Variants in QTMAN observed in about 807,000 individuals in gnomAD.
The protein encoded by QTMAN is queuosine-tRNA mannosyltransferase.
At chr2:144,194,028 C>G in the QTMAN span, among the ~76,000 whole-genome samples, 1 of 152,144 alleles carries the variant, frequency 6.6e-6, no homozygotes, top group African/African-American at 2.4e-5. Context: ...TCTTTAAGCA[C>G]TACGTTTTTT....
chr2:144,303,009 G>A, the QTMAN span, among the ~76,000 whole-genome samples: 26 of 152,180 alleles, frequency 1.7e-4, no homozygotes, highest in African/African-American at 6.0e-4. Context: ...GGCTGAGGAA[G>A]GAGAATTGCT....
the QTMAN span, among the ~76,000 whole-genome samples, chr2:143,993,419 G>T: frequency 6.6e-6 from 1 of 151,996 alleles, no homozygotes; most frequent in Non-Finnish European, 1.5e-5. Flanking sequence ...AAAAAAAGGG[G>T]GGGGGACTTT....
the QTMAN span, among the ~76,000 whole-genome samples, chr2:144,133,329 A>T: frequency 2.1e-5 from 1 of 48,562 alleles, no homozygotes; most frequent in South Asian, 4.4e-4. Context: ...GTATATATAC[A>T]TATATAAATA....
the QTMAN span, chr2:144,142,090 C>T: frequency 8.7e-6 from 13 of 1,500,186 alleles, no homozygotes; most frequent in Non-Finnish European, 1.8e-6. Flanking sequence ...AATGATGAGC[C>T]CAGACTCATT....
chr2:144,167,277 T>A, the QTMAN span, among the ~76,000 whole-genome samples: 2 of 152,180 alleles, frequency 1.3e-5, no homozygotes, highest in African/African-American at 4.8e-5. Context: ...TTATGAAAAC[T>A]CAATCATCCT....
At chr2:144,287,418 G>C in the QTMAN span, among the ~76,000 whole-genome samples, 4 of 144,628 alleles carry the variant, frequency 2.8e-5, no homozygotes, top group Admixed American at 2.1e-4. Flanking sequence ...CAGCCTGGGC[G>C]ACAGAGCAAG....
the QTMAN span, among the ~76,000 whole-genome samples, chr2:144,266,833 T>C: frequency 6.6e-6 from 1 of 152,208 alleles, no homozygotes; most frequent in Non-Finnish European, 1.5e-5. Context: ...ATTTGTTGTA[T>C]GGGTTATTTT....
At chr2:144,262,930 G>C in the QTMAN span, among the ~76,000 whole-genome samples, 1 of 90,808 alleles carries the variant, frequency 1.1e-5, no homozygotes, top group African/African-American at 4.4e-5. Flanking sequence ...GGAGAGGGGA[G>C]AGGGAAGAGG....
the QTMAN span, among the ~76,000 whole-genome samples, chr2:144,035,903 T>A: frequency 6.6e-6 from 1 of 152,150 alleles, no homozygotes; most frequent in African/African-American, 2.4e-5. Flanking sequence ...TGCAAAGAAA[T>A]GGGCATTTGA....
At chr2:143,947,261 C>T in the QTMAN span, 2 of 678,980 alleles carry the variant, frequency 2.9e-6, no homozygotes, top group South Asian at 1.8e-5. Flanking sequence ...CAAAAAGCCA[C>T]CAAGTAAATG....
the QTMAN span, among the ~76,000 whole-genome samples, chr2:144,086,838 T>C: frequency 6.6e-6 from 1 of 152,162 alleles, no homozygotes; most frequent in Non-Finnish European, 1.5e-5. Context: ...GGTTCCTCAT[T>C]TGTTCCTTTT....
chr2:144,208,500 T>C, the QTMAN span: 1 of 965,552 alleles, frequency 1.0e-6, no homozygotes, highest in African/African-American at 1.6e-5. Flanking sequence ...TAATAACCAA[T>C]TCCATAGTTG....
chr2:144,106,292 T>C, the QTMAN span, among the ~76,000 whole-genome samples: 1 of 152,170 alleles, frequency 6.6e-6, no homozygotes, highest in Non-Finnish European at 1.5e-5. Context: ...AATGCTCCAA[T>C]TAAAAGACAC....
At chr2:144,055,406 G>A in the QTMAN span, among the ~76,000 whole-genome samples, 4 of 150,832 alleles carry the variant, frequency 2.7e-5, no homozygotes, top group Admixed American at 6.6e-5. Flanking sequence ...GGATTCAAGT[G>A]GAGTTTTTTT....
the QTMAN span, among the ~76,000 whole-genome samples, chr2:144,302,703 G>C: frequency 4.6e-5 from 7 of 152,176 alleles, no homozygotes. Flanking sequence ...GATGAGTACA[G>C]CATTTGATGG....
At chr2:144,021,485 G>A in the QTMAN span, among the ~76,000 whole-genome samples, 3 of 152,092 alleles carry the variant, frequency 2.0e-5, no homozygotes, top group Admixed American at 6.6e-5. Context: ...ACAGAATCCA[G>A]GACATAGTTG....
At chr2:144,100,859 C>CTTTTTTTTTTTTTTT in the QTMAN span, among the ~76,000 whole-genome samples, 14 of 77,922 alleles carry the variant, frequency 1.8e-4, no homozygotes, top group East Asian at 4.3e-4. Flanking sequence ...GTCTTTCTTT[C>CTTTTTTTTTTTTTTT]TTTTTTTTTT....
At chr2:144,129,789 T>TA in the QTMAN span, among the ~76,000 whole-genome samples, 5 of 152,008 alleles carry the variant, frequency 3.3e-5, no homozygotes, top group Non-Finnish European at 5.9e-5. Context: ...CTGTTATTTT[T>TA]ACAAAATGTT....
chr2:144,025,325 C>T, the QTMAN span, among the ~76,000 whole-genome samples: 1 of 152,164 alleles, frequency 6.6e-6, no homozygotes, highest in Non-Finnish European at 1.5e-5. Flanking sequence ...GGAGAACCTA[C>T]TGCATGCCCC....
Sources: gnomAD v4.1 joint callset for allele counts (sites outside exome capture counted in the v4.1 genomes callset) on GRCh38, gnomAD v4.1.1 for gene constraint, MANE v1.5 for transcripts, NCBI Gene and HGNC (gene_info 2026-07-23, HGNC 2026-07-21) for gene names.